EDC3: variants seen among roughly 807,000 people sequenced by gnomAD.
EDC3 encodes enhancer of mRNA decapping 3.
Under a neutral mutation model 41.8 loss-of-function variants are expected in EDC3, and 20 were observed. That is an observed-to-expected ratio of 0.48 (90% confidence interval 0.34 to 0.70). The LOEUF is 0.70. Ranked by LOEUF, EDC3 falls within the 30% of genes least tolerant of loss-of-function variation. EDC3 has a pLI of 0.01. For missense variants in EDC3, 444 were observed against 636.8 expected (o/e 0.70, Z 3.26); for synonymous variants, 206 against 243.2 (o/e 0.85, Z 1.42).
intron 3 of EDC3, among the ~76,000 whole-genome samples, chr15:74,665,368 C>T (rs1212049964): frequency 6.6e-6 from 1 of 152,184 alleles, no homozygotes; most frequent in African/African-American, 2.4e-5. Context: ...AGAGCCTTAA[C>T]TTAACTGTTA....
chr15:74,654,668 T>G (rs963610053), intron 4 of EDC3, among the ~76,000 whole-genome samples: 3 of 147,086 alleles, frequency 2.0e-5, no homozygotes, highest in Non-Finnish European at 3.0e-5. Flanking sequence ...CAGCAGCTTG[T>G]TTTTTTTTTA....
intron 3 of EDC3, among the ~76,000 whole-genome samples, chr15:74,670,135 G>A (rs1008643184): frequency 6.7e-6 from 1 of 150,180 alleles, no homozygotes; most frequent in Non-Finnish European, 1.5e-5. Context: ...TGAGATTACA[G>A]GTGTGAGCCA....
At chr15:74,688,315 A>C (rs2062962687) in intron 1 of EDC3, among the ~76,000 whole-genome samples, 1 of 152,192 alleles carries the variant, frequency 6.6e-6, no homozygotes, top group Non-Finnish European at 1.5e-5. Flanking sequence ...GCTACAAGGA[A>C]CCAATCTTGT....
intron 1 of EDC3, chr15:74,692,933 T>C (rs966671249): frequency 3.9e-5 from 6 of 152,210 alleles, no homozygotes; most frequent in Non-Finnish European, 5.9e-5. Context: ...CTTAAAAGTA[T>C]ATAAGATCTA....
rs1437549990 is a variant in EDC3, at chr15:74,635,764, G to A, written c.975-138C>T. 6 of 796,230 alleles carry A rather than the reference G, an allele frequency of 7.5e-6. No individual in the cohort carries two copies. In the African/African-American group the frequency reaches 8.7e-5, roughly 12 times the overall value. 49.3% of individuals were successfully genotyped at this position (796,230 alleles called of 1,614,324 possible). ...CACCAAGTCCCAGGCTCCAGAGGGG[G>A]ACAAAATCCACTGCAGGCCAGGTCT... is the stretch of plus-strand genomic sequence containing the variant. On this transcript the variant is annotated intron_variant, in intron 5 of 6. Transcript: ENST00000315127.
At chr15:74,656,414 C>CACACACAT (rs2062549197) in intron 3 of EDC3, among the ~76,000 whole-genome samples, 1 of 151,222 alleles carries the variant, frequency 6.6e-6, no homozygotes, top group African/African-American at 2.4e-5. Context: ...AAAACACACA[C>CACACACAT]ACACACACAC....
intron 3 of EDC3, among the ~76,000 whole-genome samples, chr15:74,669,139 G>C (rs2062711309): frequency 6.6e-6 from 1 of 152,026 alleles, no homozygotes; most frequent in Admixed American, 6.6e-5. Context: ...GGGAGGCCGA[G>C]AGTTTGAGAC....
At chr15:74,651,158 TAA>T (rs1447351154) in intron 4 of EDC3, among the ~76,000 whole-genome samples, 1 of 152,188 alleles carries the variant, frequency 6.6e-6, no homozygotes, top group Non-Finnish European at 1.5e-5. Context: ...GTTTTATATT[TAA>T]ACTTAACACA....
At chr15:74,688,304 A>G (rs1280783529) in intron 1 of EDC3, among the ~76,000 whole-genome samples, 1 of 152,240 alleles carries the variant, frequency 6.6e-6, no homozygotes, top group Non-Finnish European at 1.5e-5. Context: ...GAGATACAGG[A>G]GCTACAAGGA....
At chr15:74,653,319 GT>G (rs2062504802) in intron 4 of EDC3, among the ~76,000 whole-genome samples, 2 of 151,932 alleles carry the variant, frequency 1.3e-5, no homozygotes, top group South Asian at 4.2e-4. Flanking sequence ...ATATATTCTA[GT>G]TTGCCTTTTT....
rs542441228 is a variant in EDC3, at chr15:74,684,536, G to A, written c.-18-9394C>T. On this transcript the variant is annotated intron_variant, in intron 1 of 6. Transcript: ENST00000315127. ...AATAAATGCTTTCCCCAAGTACTGAGGATGAGGCAAGGATGTCCACTCTCA... is the reference window on the plus strand; with the variant it reads ...AATAAATGCTTTCCCCAAGTACTGAAGATGAGGCAAGGATGTCCACTCTCA... Among the ~76,000 whole-genome samples, 18 of 148,874 alleles carry A rather than the reference G, an allele frequency of 1.2e-4. No individual in the cohort carries two copies. In the South Asian group the frequency reaches 3.6e-3, roughly 30 times the overall value.
chr15:74,632,608 C>T lies in EDC3; in HGVS notation c.*4G>A. On this transcript the variant is annotated 3_prime_UTR_variant, in exon 7 of 7. Transcript: ENST00000315127. The surrounding 1 kb of genome is among the most constrained non-coding windows in gnomAD (Gnocchi z 4.0). ...CAGCAGAGTCCTGCCTGCGCAGGAA[C>T]CCTCTAAGCAGAGTGCAGTGGGATA... 1.2e-6 allele frequency: 2 copies of T among 1,610,552 alleles called. No individual in the cohort carries two copies. The highest frequency in any genetic ancestry group is 8.5e-7 in the Non-Finnish European group (1 of 1,177,580).
At chr15:74,678,492 C>T (rs572738993) in intron 1 of EDC3, among the ~76,000 whole-genome samples, 137 of 152,296 alleles carry the variant, frequency 9.0e-4, no homozygotes, top group South Asian at 1.9e-3. Flanking sequence ...GCTTTACTGG[C>T]TTTTTCTTTT....
chr15:74,684,880 G>A (rs1227227432), intron 1 of EDC3, among the ~76,000 whole-genome samples: 1 of 152,030 alleles, frequency 6.6e-6, no homozygotes, highest in Non-Finnish European at 1.5e-5. Flanking sequence ...GGAGGCCAAG[G>A]CTTCCCAAAT....
intron 1 of EDC3, among the ~76,000 whole-genome samples, chr15:74,685,327 C>T (rs1257341354): frequency 2.0e-5 from 3 of 152,096 alleles, no homozygotes; most frequent in South Asian, 2.1e-4. Context: ...CACTTGAGCC[C>T]GGAAGGTCAA....
At position 74,675,046 on chromosome 15, in the gene EDC3, C is replaced by G. The variant is rs1355509049; in HGVS notation, c.79G>C (p.Ala27Pro). Residue 27 changes from alanine (A) to proline (P), a missense_variant, in exon 2 of 7, where the codon GCT becomes CCT. Coordinates refer to ENST00000315127, the MANE Select transcript of EDC3 (RefSeq NM_025083.5). ...SLGVYQGRVS[A>P]VDQVSQTISL... ...ATGGTCTGGCTGACCTGATCCACAG[C>G]TGACACTCTTCCCTGATAGACACCC... is the stretch of plus-strand genomic sequence containing the variant. 6.2e-7 allele frequency: 1 copy of G among 1,614,074 alleles called. No individual in the cohort carries two copies. The highest frequency in any genetic ancestry group is 1.1e-5 in the South Asian group (1 of 91,090).
chr15:74,693,856 T>C (rs988112191), intron 1 of EDC3, among the ~76,000 whole-genome samples: 6 of 152,172 alleles, frequency 3.9e-5, no homozygotes, highest in African/African-American at 9.6e-5. Context: ...TGGTGGTGCA[T>C]GCTTGTAGTC....
At chr15:74,683,537 G>C (rs1306599060) in intron 1 of EDC3, among the ~76,000 whole-genome samples, 1 of 151,190 alleles carries the variant, frequency 6.6e-6, no homozygotes, top group Non-Finnish European at 1.5e-5. Flanking sequence ...TAGCAACATG[G>C]GGGACTCTTG....
intron 1 of EDC3, among the ~76,000 whole-genome samples, chr15:74,682,014 T>C (rs1428118139): frequency 6.6e-6 from 1 of 152,196 alleles, no homozygotes; most frequent in South Asian, 2.1e-4. Context: ...CTAGGAAATA[T>C]ACACCTTTCA....
Sources: gnomAD v4.1 joint callset for allele counts (sites outside exome capture counted in the v4.1 genomes callset) on GRCh38, gnomAD v4.1.1 for gene constraint, Gnocchi (gnomAD v3.1) non-coding constraint, MANE v1.5 for transcripts, NCBI Gene and HGNC (gene_info 2026-07-23, HGNC 2026-07-21) for gene names.